The following NCOA4 variants were observed in gnomAD, a reference collection of about 807,000 sequenced individuals.
NCOA4 encodes nuclear receptor coactivator 4, also known as 70 kDa AR-activator.
NCOA4 carries 31 observed loss-of-function variants against 69.5 expected under a neutral mutation model. The ratio of observed to expected loss-of-function variants is 0.45; its 90% CI spans 0.34 to 0.60. The LOEUF is 0.60. Among genes scored for constraint, NCOA4 ranks in the 20% least tolerant of loss-of-function variants. The pLI is 0.02. For missense variants in NCOA4, 600 were observed against 719.2 expected (o/e 0.83, Z 1.90); for synonymous variants, 228 against 252.4 (o/e 0.90, Z 0.92).
chr10:46,012,116 A>AAG (rs1839270017), intron 7 of NCOA4, among the ~76,000 whole-genome samples: 3 of 145,912 alleles, frequency 2.1e-5, no homozygotes, highest in African/African-American at 5.1e-5. Flanking sequence ...AAAAAAGAAA[A>AAG]TACTCAACCT....
intron 8 of NCOA4, 152 bp downstream of exon 8, chr10:46,010,071 G>T: frequency 1.1e-6 from 1 of 946,218 alleles, no homozygotes; most frequent in South Asian, 1.8e-5. Context: ...CTGTAGTGCG[G>T]GCAGGGGGAT....
chr10:46,013,680 G>T, intron 5 of NCOA4, 41 bp from the exon 6 acceptor site: 1 of 1,413,480 alleles, frequency 7.1e-7, no homozygotes, highest in Non-Finnish European at 9.8e-7. Flanking sequence ...TTTATGCTAT[G>T]CTGCCAAAAA....
chr10:46,008,775 A>G (rs1839007221), intron 9 of NCOA4, among the ~76,000 whole-genome samples: 1 of 152,246 alleles, frequency 6.6e-6, no homozygotes, highest in Admixed American at 6.5e-5. Flanking sequence ...AGGAAAAGTC[A>G]ATCGATGCAG....
At chr10:46,028,409 A>G (rs782811493) in intron 1 of NCOA4, among the ~76,000 whole-genome samples, 1 of 152,136 alleles carries the variant, frequency 6.6e-6, no homozygotes, top group Non-Finnish European at 1.5e-5. Context: ...GTAGGTGTTC[A>G]ACAATTAATT....
chr10:46,029,440 GTACTT>G (rs1445624128), intron 1 of NCOA4, among the ~76,000 whole-genome samples: 6 of 152,224 alleles, frequency 3.9e-5, no homozygotes, highest in South Asian at 2.1e-4. Flanking sequence ...ACGGTCTCAA[GTACTT>G]TAAAGTTTGG....
At chr10:46,012,070 GAA>G (rs71026286) in intron 7 of NCOA4, among the ~76,000 whole-genome samples, 71 of 44,484 alleles carry the variant, frequency 1.6e-3, no homozygotes, top group Non-Finnish European at 2.2e-3. Flanking sequence ...CAAAAAGAAA[GAA>G]AAAAAAAAAA....
rs782812976 is a variant in NCOA4, at chr10:46,013,575, C to T, written c.545G>A (p.Arg182Lys). Residue 182 changes from arginine to lysine, a missense_variant, in exon 6 of 10, where the codon AGA becomes AAA. Coordinates refer to ENST00000581486, the MANE Select transcript of NCOA4 (RefSeq NM_001145263.2). ...SANIGPFLEK[R>K]GCISMPEQKS... is the part of the protein sequence containing the mutation. ...CTGCTCTGGCATGGAGATACAGCCT[C>T]TCTTCTCCAGGAAGGGCCCAATATT... 2 of 1,613,082 alleles carry T rather than the reference C, an allele frequency of 1.2e-6. No homozygotes were observed. The highest frequency in any genetic ancestry group is 1.7e-4 in the Middle Eastern group (1 of 6,056).
Position 46,010,482 on chromosome 10 carries a change from G to A in NCOA4, c.1439C>T (p.Ser480Phe), listed in dbSNP as rs782108570. 6 of 1,614,174 alleles carry A rather than the reference G, an allele frequency of 3.7e-6. No individual in the cohort carries two copies. In the South Asian group the frequency reaches 4.4e-5, roughly 12 times the overall value. Reference sequence around the variant, plus strand: ...GACTTGGAAGGAATCAGCAATTCTAGAAGGAGTCATTGCCTTTGGTGCTTT... The same window carrying A: ...GACTTGGAAGGAATCAGCAATTCTAAAAGGAGTCATTGCCTTTGGTGCTTT... ...QTKAPKAMTP[S>F]RIADSFQVIK... The change falls in exon 8 of 10, where the codon TCT becomes TTT. Residue 480 changes from serine to phenylalanine, a missense_variant. Physicochemically the swap from Ser to Phe is radical, Grantham distance 155. Coordinates refer to ENST00000581486, the MANE Select transcript of NCOA4 (RefSeq NM_001145263.2).
At chr10:46,012,362 C>T (rs1375115016) in intron 7 of NCOA4, among the ~76,000 whole-genome samples, 2 of 151,958 alleles carry the variant, frequency 1.3e-5, no homozygotes, top group African/African-American at 4.8e-5. Context: ...TAAATGTACT[C>T]CTAAGGAACT....
In NCOA4 at chr10:46,006,227, C is replaced by G. The variant is rs1221736229; in HGVS notation, c.*365G>C. 6 of 306,582 alleles carry G rather than the reference C, an allele frequency of 2.0e-5. No homozygotes were observed. The highest frequency in any genetic ancestry group is 3.7e-5 in the Non-Finnish European group (6 of 161,182). The allele number at this position is 306,582 out of a possible 1,614,324, so 19.0% of individuals were successfully genotyped here. A position where few individuals can be genotyped will look rare whatever the true frequency, so the allele number is the denominator to read the frequency against. On this transcript the variant is annotated 3_prime_UTR_variant, in exon 10 of 10. Transcript: ENST00000581486. ...AGGGAAGTTTACTAGCTTTAGAATACATCAATATACTTCGATAAACAAGAG... is the reference window on the plus strand; with the variant it reads ...AGGGAAGTTTACTAGCTTTAGAATAGATCAATATACTTCGATAAACAAGAG...
chr10:46,021,193 T>A (rs1247970273), intron 1 of NCOA4, among the ~76,000 whole-genome samples: 1 of 152,264 alleles, frequency 6.6e-6, no homozygotes, highest in Non-Finnish European at 1.5e-5. Context: ...CATTACTGTA[T>A]GGCTTAACCA....
At position 46,016,700 on chromosome 10, in the gene NCOA4, A is replaced by G; in HGVS notation, c.-14-6T>C. Reference sequence around the variant, plus strand: ...ATTCATTCTCCTCACTGCTCCTTTAAAAGAAAAAAATATATATAAATAGCA... The same window carrying G: ...ATTCATTCTCCTCACTGCTCCTTTAGAAGAAAAAAATATATATAAATAGCA... On this transcript the variant is annotated splice_region_variant and splice_polypyrimidine_tract_variant and intron_variant, in intron 1 of 9. Coordinates refer to ENST00000581486, the MANE Select transcript of NCOA4 (RefSeq NM_001145263.2). 2 of 1,412,484 alleles carry G rather than the reference A, an allele frequency of 1.4e-6. No individual in the cohort carries two copies. Among genetic ancestry groups the G allele is most frequent in the Non-Finnish European group, 1.9e-6 (2 of 1,069,696 alleles). 87.5% of individuals were successfully genotyped at this position (1,412,484 alleles called of 1,614,324 possible). A position where few individuals can be genotyped will look rare whatever the true frequency, so the allele number is the denominator to read the frequency against.
intron 1 of NCOA4, among the ~76,000 whole-genome samples, chr10:46,016,912 T>C (rs1022231465): frequency 6.6e-6 from 1 of 152,242 alleles, no homozygotes; most frequent in Non-Finnish European, 1.5e-5. Flanking sequence ...TCTACTTTAG[T>C]GACACTTTAC....
intron 6 of NCOA4, 44 bp from the exon 7 acceptor site, chr10:46,013,070 C>T: frequency 6.3e-7 from 1 of 1,597,710 alleles, no homozygotes. Flanking sequence ...GTAGAAAGTT[C>T]ACCAGAAAAA....
At chr10:46,006,671 C>G in intron 9 of NCOA4, 74 bp from the exon 10 acceptor site, 1 of 1,432,464 alleles carries the variant, frequency 7.0e-7, no homozygotes, top group Non-Finnish European at 9.9e-7. Context: ...CCTTAAAGCT[C>G]CGACTCATTT....
intron 1 of NCOA4, among the ~76,000 whole-genome samples, chr10:46,017,508 AC>A (rs1474677859): frequency 6.6e-6 from 1 of 152,144 alleles, no homozygotes; most frequent in Non-Finnish European, 1.5e-5. Context: ...TTGCACCTGC[AC>A]TCCACCCTGG....
chr10:46,016,297 C>CT (rs1449077634), intron 2 of NCOA4, among the ~76,000 whole-genome samples: 1 of 53,954 alleles, frequency 1.9e-5, no homozygotes, highest in African/African-American at 5.7e-5. Context: ...AGTTAGTAAT[C>CT]TAAGTAAGCT....
intron 1 of NCOA4, chr10:46,019,383 T>A: frequency 1.0e-6 from 1 of 985,450 alleles, no homozygotes; most frequent in East Asian, 1.1e-4. Context: ...ATGGGCTGCT[T>A]CACTTTGCAC....
intron 5 of NCOA4, 139 bp downstream of exon 5, chr10:46,014,305 C>T (rs782420683): frequency 3.1e-6 from 2 of 645,724 alleles, no homozygotes; most frequent in East Asian, 5.8e-5. Context: ...GCGTGAGCCA[C>T]CACGCCCAGC....
Sources: allele counts gnomAD v4.1 joint callset (sites outside exome capture counted in the v4.1 genomes callset), GRCh38; gene constraint gnomAD v4.1.1; transcripts MANE v1.5; gene names NCBI Gene and HGNC (gene_info 2026-07-23, HGNC 2026-07-21).